Variants in EXD2 observed in about 807,000 individuals in gnomAD.
EXD2 encodes exonuclease 3'-5' domain containing 2.
EXD2 carries 40 observed loss-of-function variants against 62.5 expected under a neutral mutation model. The observed-to-expected ratio is 0.64, with a 90% CI of 0.50 to 0.83. EXD2 has a LOEUF of 0.83. Ranked by LOEUF, EXD2 falls within the 40% of genes least tolerant of loss-of-function variation. The pLI, the probability that EXD2 is intolerant of heterozygous loss-of-function variation, is 0.00. For synonymous variants in EXD2, 239 were observed against 291.9 expected, an observed-to-expected ratio of 0.82 and a Z score of 1.85; for missense variants, 671 against 761.8, an observed-to-expected ratio of 0.88 and a Z score of 1.40.
At chr14:69,233,241 G>A (rs1219170145) in intron 5 of EXD2, among the ~76,000 whole-genome samples, 1 of 151,918 alleles carries the variant, frequency 6.6e-6, no homozygotes, top group East Asian at 1.9e-4. Flanking sequence ...GGATCTAGGT[G>A]GAAAATTTTA....
At chr14:69,231,652 G>A (rs1253240908) in intron 5 of EXD2, among the ~76,000 whole-genome samples, 6 of 152,042 alleles carry the variant, frequency 3.9e-5, no homozygotes, top group Non-Finnish European at 8.8e-5. Flanking sequence ...CACACGTCAG[G>A]TCACTTACTT....
Position 69,237,585 on chromosome 14 carries a change from A to T in EXD2, c.1303A>T (p.Ile435Phe). ...KRDSYIRKNV[I>F]PHEYRKHFPI... ...CTGGGCTTGTTCCAGGAAGAACGTGATTCCACATGAGTACCGGAAGCACTT... is the reference window on the plus strand; with the variant it reads ...CTGGGCTTGTTCCAGGAAGAACGTGTTTCCACATGAGTACCGGAAGCACTT... The change falls in exon 9 of 10, where the codon ATT becomes TTT. Residue 435 changes from isoleucine to phenylalanine, a missense_variant. Coordinates refer to ENST00000685843, the MANE Select transcript of EXD2 (RefSeq NM_001193360.2). 1 of 1,614,148 alleles carries T rather than the reference A, an allele frequency of 6.2e-7. No homozygotes were observed. The highest frequency in any genetic ancestry group is 1.1e-5 in the South Asian group (1 of 91,082).
rs563792249 is a variant in EXD2 at position 69,199,545 on chromosome 14, G to A, written c.-131-4372G>A. On this transcript the variant is annotated intron_variant, in intron 1 of 9. Transcript: ENST00000685843. ...AACACTCAGCTTAAGACACAAATAT[G>A]TTGTACAGCTGTATAAAAATGTTTA... 2.5e-3 allele frequency among the ~76,000 whole-genome samples: 377 copies of A among 151,714 alleles called. 2 individuals carry two copies. The highest frequency in any genetic ancestry group is 7.8e-3 in the African/African-American group (323 of 41,398).
intron 1 of EXD2, among the ~76,000 whole-genome samples, chr14:69,195,783 A>G (rs1415175289): frequency 2.0e-5 from 3 of 152,100 alleles, no homozygotes; most frequent in Non-Finnish European, 4.4e-5. Flanking sequence ...GTCTTTTGTG[A>G]CTGACTGCTT....
chr14:69,220,254 T>C (rs1031596499), intron 3 of EXD2, among the ~76,000 whole-genome samples: 2 of 19,158 alleles, frequency 1.0e-4, no homozygotes, highest in African/African-American at 5.6e-4. Context: ...TGTCTCTCTG[T>C]TTTTTTTTTT....
chr14:69,221,637 G>A (rs1258695861), intron 3 of EXD2, among the ~76,000 whole-genome samples: 2 of 151,954 alleles, frequency 1.3e-5, no homozygotes, highest in Non-Finnish European at 1.5e-5. Context: ...GCATGGTGGT[G>A]TGAGTCTTTA....
intron 3 of EXD2, among the ~76,000 whole-genome samples, chr14:69,220,432 G>A (rs1238020548): frequency 3.4e-5 from 5 of 148,546 alleles, no homozygotes; most frequent in Non-Finnish European, 7.5e-5. Flanking sequence ...CACCATGCCC[G>A]GCTAATTTTT....
chr14:69,212,974 G>T (rs1250550905), intron 3 of EXD2, among the ~76,000 whole-genome samples: 3 of 151,802 alleles, frequency 2.0e-5, no homozygotes, highest in Non-Finnish European at 4.4e-5. Context: ...GTCCCACAAA[G>T]TGCTGAGATT....
chr14:69,196,478 TG>T (rs2042208222), intron 1 of EXD2, among the ~76,000 whole-genome samples: 1 of 152,210 alleles, frequency 6.6e-6, no homozygotes, highest in South Asian at 2.1e-4. Flanking sequence ...TACGGACATG[TG>T]TTTTCATTTC....
At position 69,242,171 on chromosome 14, in the gene EXD2, A is replaced by G. The variant is rs2043998597; in HGVS notation, c.*1071A>G. The G allele has an allele frequency of 2.5e-6, 1 of 397,700 alleles. No individual in the cohort carries two copies. The highest frequency in any genetic ancestry group is 1.4e-4 in the South Asian group (1 of 7,286). 24.6% of individuals were successfully genotyped at this position (397,700 alleles called of 1,614,324 possible). ...AAAATGTTAGGCCATTACTTTGAGT[A>G]TAAAATCGACTTATTAATGATTAGT... On this transcript the variant is annotated 3_prime_UTR_variant, in exon 10 of 10. Transcript: ENST00000685843.
At chr14:69,234,284 T>G (rs2043692281) in intron 5 of EXD2, among the ~76,000 whole-genome samples, 1 of 152,206 alleles carries the variant, frequency 6.6e-6, no homozygotes, top group Admixed American at 6.5e-5. Context: ...TGAATCATGA[T>G]TTCAGCCATT....
Position 69,207,847 on chromosome 14 carries a change from TGC to T in EXD2, c.-47-1576_-47-1575del, listed in dbSNP as rs1356326728. Among the ~76,000 whole-genome samples the T allele has an allele frequency of 3.9e-5, 6 of 152,238 alleles. No homozygotes were observed. In the South Asian group the frequency reaches 8.3e-4, roughly 21 times the overall value. ...GGATCATCAGCTTGTGCCGAATGGT[TGC>T]TGCTCCATGTTTTCTCCCTGGCCCT... On this transcript the variant is annotated intron_variant, in intron 2 of 9. Transcript: ENST00000685843.
At position 69,240,975 on chromosome 14, in the gene EXD2, C is replaced by T. The variant is rs746355108; in HGVS notation, c.1741C>T (p.Arg581Cys). 29 of 1,613,248 alleles carry T rather than the reference C, an allele frequency of 1.8e-5. No individual in the cohort carries two copies. Among genetic ancestry groups the T allele is most frequent in the South Asian group, 4.4e-5 (4 of 91,036 alleles). ...GLRSLMQLES[R>C]WRQHFLDSMQ... ...GCGCTCCCTCATGCAGCTGGAGAGCCGCTGGCGTCAGCACTTCCTGGACTC... is the reference window on the plus strand; with the variant it reads ...GCGCTCCCTCATGCAGCTGGAGAGCTGCTGGCGTCAGCACTTCCTGGACTC... Residue 581 changes from arginine (R) to cysteine (C), a missense_variant, in exon 10 of 10, where the codon CGC becomes TGC. By Grantham distance (180) the Arg-to-Cys change is radical (BLOSUM62 -3). Transcript: ENST00000685843.
chr14:69,234,364 C>A (rs938582865), intron 5 of EXD2, among the ~76,000 whole-genome samples: 4 of 152,100 alleles, frequency 2.6e-5, no homozygotes, highest in African/African-American at 9.7e-5. Context: ...TACCCTTCCC[C>A]CAAACTTGAG....
rs1316806618 is a variant in EXD2 at position 69,234,821 on chromosome 14, T to C, written c.839T>C (p.Val280Ala). The C allele has an allele frequency of 6.2e-7, 1 of 1,614,158 alleles. No homozygotes were observed. The highest frequency in any genetic ancestry group is 1.7e-5 in the Admixed American group (1 of 60,020). Reference protein sequence around the residue: ...KNDDHSSWRKVLEKCQGVVDI... With the variant: ...KNDDHSSWRKALEKCQGVVDI... ...GATGACCACAGTAGCTGGAGAAAAG[T>C]CTTGGAAAAATGCCAGGGTGTGGTC... Residue 280 changes from valine to alanine, a missense_variant, in exon 6 of 10, where the codon GTC (valine) becomes GCC (alanine). Physicochemically the swap from Val to Ala is moderately conservative, Grantham distance 64 (BLOSUM62 0). Transcript: ENST00000685843.
chr14:69,236,086 G>T lies in EXD2; in HGVS notation c.1090G>T (p.Asp364Tyr). The T allele has an allele frequency of 6.2e-7, 1 of 1,614,218 alleles. No individual in the cohort carries two copies. The highest frequency in any genetic ancestry group is 8.5e-7 in the Non-Finnish European group (1 of 1,180,032). The change falls in exon 7 of 10, where the codon GAT (aspartate) becomes TAT (tyrosine). Residue 364 changes from aspartate (D) to tyrosine (Y), a missense_variant. Asp to Tyr is a radical substitution (Grantham distance 160). Transcript: ENST00000685843. ...TGATAACTGCTTTCTCCATGCTCCTGATGGACAGCCCCTCTGCACTTGTGA... is the reference window on the plus strand; with the variant it reads ...TGATAACTGCTTTCTCCATGCTCCTTATGGACAGCCCCTCTGCACTTGTGA... ...LYDNCFLHAPDGQPLCTCDRR... is the reference protein window; with the variant it reads ...LYDNCFLHAPYGQPLCTCDRR...
chr14:69,215,284 C>T (rs1225575625), intron 3 of EXD2, among the ~76,000 whole-genome samples: 1 of 146,152 alleles, frequency 6.8e-6, no homozygotes, highest in Non-Finnish European at 1.5e-5. Context: ...AGCGAGACTC[C>T]ATCTCAAAAA....
At chr14:69,228,415 C>T (rs1316220811) in intron 3 of EXD2, among the ~76,000 whole-genome samples, 2 of 152,112 alleles carry the variant, frequency 1.3e-5, no homozygotes, top group African/African-American at 4.8e-5. Context: ...TTGTCTTGAA[C>T]TCCTGACCTC....
intron 2 of EXD2, among the ~76,000 whole-genome samples, chr14:69,207,482 A>G (rs1034060720): frequency 8.5e-5 from 13 of 152,284 alleles, no homozygotes; most frequent in African/African-American, 3.1e-4. Flanking sequence ...CGACGGCGAG[A>G]GACTCCATCT....
Sources: allele counts gnomAD v4.1 joint callset (sites outside exome capture counted in the v4.1 genomes callset), GRCh38; gene constraint gnomAD v4.1.1; transcripts MANE v1.5; gene names NCBI Gene and HGNC (gene_info 2026-07-23, HGNC 2026-07-21).